Variants in IL1RAPL2 observed in about 807,000 individuals in gnomAD.
IL1RAPL2 encodes X-linked interleukin-1 receptor accessory protein-like 2.
Under a neutral mutation model 44.1 loss-of-function variants are expected in IL1RAPL2, and 3 were observed. That is an observed-to-expected ratio of 0.07 (90% CI 0.03 to 0.18). The LOEUF (loss-of-function observed/expected upper bound fraction) is 0.18, where lower values mean the gene tolerates loss of function less well. Ranked by LOEUF, IL1RAPL2 falls within the 10% of genes least tolerant of loss-of-function variation. IL1RAPL2 has a pLI of 1.00. For synonymous variants in IL1RAPL2, 181 were observed against 178.8 expected (o/e 1.01, Z -0.10); for missense variants, 391 against 496.4 (o/e 0.79, Z 2.02).
chrX:105,658,012 A>T (rs112024827), intron 6 of IL1RAPL2, among the ~76,000 whole-genome samples: 2,210 of 111,395 alleles, frequency 0.02, 42 homozygotes, highest in African/African-American at 0.069. Context: ...CTACTTAAAT[A>T]GATCACATTC....
At chrX:105,488,614 G>T (rs769583949) in intron 6 of IL1RAPL2, among the ~76,000 whole-genome samples, 1 of 112,276 alleles carries the variant, frequency 8.9e-6, no homozygotes, top group Non-Finnish European at 1.9e-5. Context: ...AGTTTATCTA[G>T]AGCATTATTA....
intron 6 of IL1RAPL2, among the ~76,000 whole-genome samples, chrX:105,612,716 G>T (rs2037345600): frequency 8.9e-6 from 1 of 111,753 alleles, no homozygotes; most frequent in Admixed American, 9.4e-5. Context: ...ACATTGGATT[G>T]AACTCAGTGC....
intron 2 of IL1RAPL2, among the ~76,000 whole-genome samples, chrX:104,903,223 GA>G (rs1158036432): frequency 8.9e-6 from 1 of 111,837 alleles, no homozygotes; most frequent in Non-Finnish European, 1.9e-5. Context: ...AATGAATTGT[GA>G]AAAAAATACA....
intron 2 of IL1RAPL2, among the ~76,000 whole-genome samples, chrX:104,777,509 G>C (rs1476620328): frequency 9.4e-6 from 1 of 106,524 alleles, no homozygotes; most frequent in Non-Finnish European, 1.9e-5. Flanking sequence ...ATGAATATGG[G>C]TGTACAAATA....
chrX:105,295,098 G>A (rs2034644720), intron 5 of IL1RAPL2, among the ~76,000 whole-genome samples: 1 of 111,874 alleles, frequency 8.9e-6, no homozygotes. Flanking sequence ...GAACAAGTGT[G>A]TTAAGGAGTT....
chrX:104,734,011 T>A, intron 2 of IL1RAPL2, among the ~76,000 whole-genome samples: 1 of 112,029 alleles, frequency 8.9e-6, no homozygotes, highest in East Asian at 2.8e-4. Flanking sequence ...AGTAGACTTA[T>A]AGTTGGCAAA....
chrX:105,235,208 G>C (rs1433407202), intron 4 of IL1RAPL2, among the ~76,000 whole-genome samples: 1 of 111,689 alleles, frequency 9.0e-6, no homozygotes, highest in African/African-American at 3.3e-5. Context: ...TGGATAATTG[G>C]ATCTAGGGGA....
intron 2 of IL1RAPL2, among the ~76,000 whole-genome samples, chrX:104,832,603 G>A (rs1326375349): frequency 2.7e-5 from 3 of 111,535 alleles, no homozygotes; most frequent in African/African-American, 6.5e-5. Context: ...CTTATTTCCC[G>A]GGAATAGGTT....
intron 2 of IL1RAPL2, among the ~76,000 whole-genome samples, chrX:105,091,544 G>T (rs1388596151): frequency 2.7e-5 from 3 of 111,251 alleles, no homozygotes; most frequent in Non-Finnish European, 5.7e-5. Context: ...AACCAGGATG[G>T]TTAGTCACCC....
chrX:104,819,296 T>C (rs1300540184), intron 2 of IL1RAPL2, among the ~76,000 whole-genome samples: 3 of 112,194 alleles, frequency 2.7e-5, no homozygotes, highest in Non-Finnish European at 5.6e-5. Context: ...TTTATGATGG[T>C]GGGAAAGCAA....
chrX:105,670,908 A>G (rs2037819049), intron 6 of IL1RAPL2, among the ~76,000 whole-genome samples: 3 of 107,109 alleles, frequency 2.8e-5, no homozygotes, highest in African/African-American at 1.0e-4. Flanking sequence ...TATTATATAT[A>G]TATACCATAC....
intron 5 of IL1RAPL2, among the ~76,000 whole-genome samples, chrX:105,334,261 C>T (rs1884293835): frequency 9.0e-6 from 1 of 111,619 alleles, no homozygotes; most frequent in South Asian, 3.8e-4. Flanking sequence ...AAGCCAGGCA[C>T]AAAAAGACAG....
chrX:104,725,162 G>T (rs1021682586), intron 2 of IL1RAPL2, among the ~76,000 whole-genome samples: 2 of 111,313 alleles, frequency 1.8e-5, no homozygotes, highest in Non-Finnish European at 3.8e-5. Context: ...GTGTTAGCTT[G>T]CTGGGAATGA....
chrX:105,693,067 A>G (rs1380687160), intron 6 of IL1RAPL2, among the ~76,000 whole-genome samples: 1 of 111,368 alleles, frequency 9.0e-6, no homozygotes, highest in Non-Finnish European at 1.9e-5. Flanking sequence ...GGTCCTCTCT[A>G]TACCCATGGG....
intron 3 of IL1RAPL2, among the ~76,000 whole-genome samples, chrX:105,211,770 T>G (rs1201836886): frequency 9.1e-6 from 1 of 110,071 alleles, no homozygotes; most frequent in Non-Finnish European, 1.9e-5. Flanking sequence ...CATTTCTAAC[T>G]GAGGTCCCCA....
At chrX:105,579,578 T>A (rs2147813710) in intron 6 of IL1RAPL2, among the ~76,000 whole-genome samples, 1 of 111,359 alleles carries the variant, frequency 9.0e-6, no homozygotes, top group African/African-American at 3.3e-5. Context: ...TAACAACCAC[T>A]GAGACTTTAT....
At chrX:104,638,759 G>C (rs1015532417) in intron 1 of IL1RAPL2, among the ~76,000 whole-genome samples, 3 of 112,188 alleles carry the variant, frequency 2.7e-5, no homozygotes, top group Non-Finnish European at 5.6e-5. Context: ...AATATGTTGA[G>C]ATTTGTTTTG....
chrX:105,034,850 C>T (rs977542022), intron 2 of IL1RAPL2, among the ~76,000 whole-genome samples: 1 of 112,401 alleles, frequency 8.9e-6, no homozygotes, highest in Non-Finnish European at 1.9e-5. Flanking sequence ...GTGGAGCCTA[C>T]AGAATCAGGA....
chrX:104,618,212 G>C (rs749444540), intron 1 of IL1RAPL2, among the ~76,000 whole-genome samples: 35 of 111,793 alleles, frequency 3.1e-4, no homozygotes, highest in African/African-American at 1.1e-3. Flanking sequence ...AGAGCTGGCT[G>C]TGGCCAATGC....
Sources: allele counts gnomAD v4.1 joint callset (sites outside exome capture counted in the v4.1 genomes callset), GRCh38; gene constraint gnomAD v4.1.1; transcripts MANE v1.5; gene names NCBI Gene and HGNC (gene_info 2026-07-23, HGNC 2026-07-21).